The following AQR variants were observed in gnomAD, a reference collection of about 807,000 sequenced individuals.
AQR encodes aquarius intron-binding spliceosomal factor.
In AQR, 61 loss-of-function variants were observed where a neutral mutation model predicts 180.5. That is an observed-to-expected ratio of 0.34 (90% CI 0.28 to 0.42). The LOEUF (loss-of-function observed/expected upper bound fraction) is 0.42, where lower values mean the gene tolerates loss of function less well. Ranked by LOEUF, AQR falls within the 10% of genes least tolerant of loss-of-function variation. The pLI is 1.00. For synonymous variants in AQR, 551 were observed against 588.8 expected (o/e 0.94, Z 0.93); for missense variants, 1,281 against 1,798.3 (o/e 0.71, Z 5.20).
At chr15:34,893,842 G>C in intron 22 of AQR, 69 bp from the exon 23 acceptor site, 1 of 1,342,552 alleles carries the variant, frequency 7.4e-7, no homozygotes, top group Non-Finnish European at 1.1e-6. Flanking sequence ...TAGAAAACGT[G>C]AAGTACAGAC....
intron 18 of AQR, among the ~76,000 whole-genome samples, chr15:34,905,824 TC>T (rs1209561405): frequency 6.6e-6 from 1 of 152,170 alleles, no homozygotes; most frequent in Non-Finnish European, 1.5e-5. Flanking sequence ...AAAGATCCTG[TC>T]CCAGAGTTCG....
chr15:34,943,000 A>T, intron 6 of AQR: 1 of 1,441,494 alleles, frequency 6.9e-7, no homozygotes, highest in Non-Finnish European at 9.5e-7. Context: ...AAAAAATCAC[A>T]TCTATTTATA....
intron 16 of AQR, among the ~76,000 whole-genome samples, chr15:34,913,824 GGGCA>G (rs1342637654): frequency 6.6e-6 from 1 of 152,156 alleles, no homozygotes; most frequent in Admixed American, 6.5e-5. Flanking sequence ...GCAAAGCTGT[GGGCA>G]GGAATGATCA....
intron 16 of AQR, among the ~76,000 whole-genome samples, chr15:34,912,446 C>T (rs1447173038): frequency 1.3e-5 from 2 of 151,734 alleles, no homozygotes; most frequent in African/African-American, 4.8e-5. Flanking sequence ...ATCCTTTTAT[C>T]CTCTTCATAA....
intron 4 of AQR, among the ~76,000 whole-genome samples, chr15:34,951,124 C>T (rs1315696850): frequency 6.6e-6 from 1 of 152,202 alleles, no homozygotes; most frequent in Non-Finnish European, 1.5e-5. Flanking sequence ...AAATTCTATA[C>T]AATACTGATA....
chr15:34,944,418 T>C lies in AQR; in HGVS notation c.341A>G (p.Lys114Arg), dbSNP rs772886027. The change falls in exon 6 of 35, where the codon AAG (lysine) becomes AGG (arginine). Residue 114 changes from lysine to arginine, a missense_variant. Transcript: ENST00000156471. The part of the protein sequence containing the change: ...ENVPAWEIFK[K>R]KPDHFPFFFK... ...AAAGAATGGGAAGTGGTCTGGCTTC[T>C]TCTTAAAAATCTGAAAAGAAACAGA... 5 of 1,592,404 alleles carry C rather than the reference T, an allele frequency of 3.1e-6. No individual in the cohort carries two copies. The highest frequency in any genetic ancestry group is 1.9e-5 in the Admixed American group (1 of 53,764).
chr15:34,953,206 C>A (rs964410874), intron 3 of AQR, among the ~76,000 whole-genome samples: 1 of 152,134 alleles, frequency 6.6e-6, no homozygotes, highest in African/African-American at 2.4e-5. Context: ...TCACTTGCTT[C>A]TTAGTGTTGA....
At chr15:34,907,093 GGTTTTTAATATCA>G (rs1168299873) in intron 17 of AQR, among the ~76,000 whole-genome samples, 3 of 152,084 alleles carry the variant, frequency 2.0e-5, no homozygotes, top group African/African-American at 7.2e-5. Context: ...ATATTTAGCA[GGTTTTTAATATCA>G]GTTTAAACTA....
intron 10 of AQR, 152 bp from the exon 11 acceptor site, chr15:34,932,586 G>T (rs1053475812): frequency 4.4e-5 from 22 of 504,468 alleles, no homozygotes; most frequent in African/African-American, 3.8e-4. Flanking sequence ...AAGAGGTCCC[G>T]TTCATGCTGT....
chr15:34,941,041 G>T, intron 7 of AQR, 42 bp from the exon 8 acceptor site: 1 of 1,367,152 alleles, frequency 7.3e-7, no homozygotes, highest in Non-Finnish European at 1.0e-6. Context: ...TAGCCTCAAA[G>T]TTTACAAGGA....
chr15:34,877,499 G>A (rs1323798632), intron 27 of AQR, among the ~76,000 whole-genome samples: 2 of 152,106 alleles, frequency 1.3e-5, no homozygotes, highest in South Asian at 2.1e-4. Context: ...GGTCATTTTT[G>A]TGGGAGCTGA....
At chr15:34,943,303 A>G (rs771647121) in intron 6 of AQR, 3 of 1,542,208 alleles carry the variant, frequency 1.9e-6, no homozygotes, top group Non-Finnish European at 2.7e-6. Flanking sequence ...ATTGAGCCCA[A>G]CTGCAGATCT....
intron 4 of AQR, among the ~76,000 whole-genome samples, chr15:34,948,796 CAAA>C (rs761369190): frequency 2.2e-5 from 2 of 91,728 alleles, no homozygotes; most frequent in African/African-American, 4.0e-5. Flanking sequence ...GACTCCATCT[CAAA>C]AAAAAAAAAA....
In AQR at chr15:34,853,949, T is replaced by C. The variant is rs1892550343; in HGVS notation, c.*2843A>G. 1 of 152,196 alleles carries C rather than the reference T, an allele frequency of 6.6e-6. No individual in the cohort carries two copies. The highest frequency in any genetic ancestry group is 2.1e-4 in the South Asian group (1 of 4,826). The allele number at this position is 152,196 out of a possible 1,614,324, so 9.4% of individuals were successfully genotyped here. On this transcript the variant is annotated 3_prime_UTR_variant, in exon 35 of 35. Coordinates refer to ENST00000156471, the MANE Select transcript of AQR (RefSeq NM_014691.3). ...GTGTTTTATAATATCTTGCTGTCTCTTGATCATTACAAAATTTCATTTGTT... is the reference window on the plus strand; with the variant it reads ...GTGTTTTATAATATCTTGCTGTCTCCTGATCATTACAAAATTTCATTTGTT...
At position 34,960,824 on chromosome 15, in the gene AQR, A is replaced by C; in HGVS notation, c.133-10T>G. ...ATATATCTTCAATAACCTGTTATAA[A>C]AATATAAAAATGTTTAATATCTCAA... is the stretch of plus-strand genomic sequence containing the variant. On this transcript the variant is annotated splice_polypyrimidine_tract_variant and intron_variant, in intron 2 of 34. Coordinates refer to ENST00000156471, the MANE Select transcript of AQR (RefSeq NM_014691.3). 1 of 850,926 alleles carries C rather than the reference A, an allele frequency of 1.2e-6. No homozygotes were observed. Among genetic ancestry groups the C allele is most frequent in the Admixed American group, 2.9e-5 (1 of 33,944 alleles). 52.7% of individuals were successfully genotyped at this position (850,926 alleles called of 1,614,324 possible). A position where few individuals can be genotyped will look rare whatever the true frequency, so the allele number is the denominator to read the frequency against.
chr15:34,934,624 T>C lies in AQR; in HGVS notation c.730A>G (p.Met244Val), dbSNP rs769510347. The change falls in exon 10 of 35, where the codon ATG (methionine) becomes GTG (valine). Residue 244 changes from methionine to valine, a missense_variant. This residue lies in a region of AQR where 404 missense variants were observed against 490.9 expected (regional missense o/e 0.82). Transcript: ENST00000156471. The part of the protein sequence containing the change: ...KSVPLSEPVT[M>V]DKVHYCERFI... ...CTTTCACAGTAATGAACTTTGTCCA[T>C]AGTGACAGGTTCTAGACATAAGAGA... The C allele has an allele frequency of 2.5e-6, 4 of 1,584,236 alleles. No homozygotes were observed. Among genetic ancestry groups the C allele is most frequent in the African/African-American group, 1.4e-5 (1 of 73,412 alleles).
intron 23 of AQR, among the ~76,000 whole-genome samples, chr15:34,891,415 C>T (rs1595788068): frequency 6.6e-6 from 1 of 152,254 alleles, no homozygotes; most frequent in East Asian, 1.9e-4. Flanking sequence ...TGAAGAACTA[C>T]TTGAATTATA....
At position 34,853,707 on chromosome 15, in the gene AQR, C is replaced by A. The variant is rs1892546981; in HGVS notation, c.*3085G>T. ...CTTTGAAGAAAAACAGAGACAGAAA[C>A]TGGTATTTACTAAGTACCTAGGTGA... On this transcript the variant is annotated 3_prime_UTR_variant, in exon 35 of 35. Transcript: ENST00000156471. 1 of 152,164 alleles carries A rather than the reference C, an allele frequency of 6.6e-6. No homozygotes were observed. Among genetic ancestry groups the A allele is most frequent in the Admixed American group, 6.5e-5 (1 of 15,280 alleles). The allele number at this position is 152,164 out of a possible 1,614,324, so 9.4% of individuals were successfully genotyped here.
At chr15:34,942,260 TACAG>T (rs1894034755) in intron 6 of AQR, among the ~76,000 whole-genome samples, 180 bp from the exon 7 acceptor site, 1 of 152,182 alleles carries the variant, frequency 6.6e-6, no homozygotes, top group African/African-American at 2.4e-5. Flanking sequence ...CCTTATTATC[TACAG>T]ATTTTGTACT....
Sources: gnomAD v4.1 joint callset for allele counts (sites outside exome capture counted in the v4.1 genomes callset) on GRCh38, gnomAD v4.1.1 for gene constraint, gnomAD v4.1.1 regional missense constraint, MANE v1.5 for transcripts, NCBI Gene and HGNC (gene_info 2026-07-23, HGNC 2026-07-21) for gene names.